MSRB3: variants seen among roughly 807,000 people sequenced by gnomAD.
The protein encoded by MSRB3 is methionine sulfoxide reductase B3, also known as methionine-R-sulfoxide reductase B3.
In MSRB3, 13 loss-of-function variants were observed where a neutral mutation model predicts 21.0. The observed-to-expected ratio is 0.62, with a 90% CI of 0.40 to 0.98. The LOEUF is 0.98. MSRB3 is among the 50% of genes least tolerant of loss of function. MSRB3 has a pLI of 0.00. For synonymous variants in MSRB3, 87 were observed against 88.6 expected (o/e 0.98, Z 0.10); for missense variants, 199 against 230.3 (o/e 0.86, Z 0.88).
intron 1 of MSRB3, among the ~76,000 whole-genome samples, chr12:65,300,824 G>A (rs1873284108): frequency 1.3e-5 from 2 of 152,184 alleles, no homozygotes; most frequent in Admixed American, 6.5e-5. Flanking sequence ...CTGCTGCAGA[G>A]GGAGAGAAAG....
chr12:65,461,112 C>T (rs940666840), intron 6 of MSRB3, among the ~76,000 whole-genome samples: 1 of 152,064 alleles, frequency 6.6e-6, no homozygotes, highest in Non-Finnish European at 1.5e-5. Flanking sequence ...TATATGAAAA[C>T]TTCATCTCTT....
intron 1 of MSRB3, among the ~76,000 whole-genome samples, chr12:65,299,727 T>C (rs1873196799): frequency 6.6e-6 from 1 of 152,166 alleles, no homozygotes; most frequent in African/African-American, 2.4e-5. Flanking sequence ...CCCTCTACTT[T>C]ATAAGAGGAG....
intron 4 of MSRB3, among the ~76,000 whole-genome samples, chr12:65,364,708 G>T (rs1041682523): frequency 2.0e-5 from 3 of 152,126 alleles, no homozygotes; most frequent in African/African-American, 7.2e-5. Context: ...GGGGATTTAA[G>T]AGTCGAGGTG....
At chr12:65,302,915 A>G (rs1254998019) in intron 1 of MSRB3, among the ~76,000 whole-genome samples, 1 of 152,186 alleles carries the variant, frequency 6.6e-6, no homozygotes, top group Admixed American at 6.6e-5. Flanking sequence ...AAAACTACAT[A>G]TATTCTACTT....
chr12:65,352,289 A>C (rs1185664587), intron 4 of MSRB3, among the ~76,000 whole-genome samples: 1 of 152,080 alleles, frequency 6.6e-6, no homozygotes, highest in Non-Finnish European at 1.5e-5. Flanking sequence ...ACTCTCAGTA[A>C]ATTAGGTATT....
intron 5 of MSRB3, among the ~76,000 whole-genome samples, chr12:65,379,822 T>C (rs376481584): frequency 8.5e-5 from 13 of 152,230 alleles, no homozygotes; most frequent in East Asian, 7.7e-4. Flanking sequence ...AAGACTGCTA[T>C]TAATATATTG....
chr12:65,425,233 A>T (rs1313546713), intron 5 of MSRB3, among the ~76,000 whole-genome samples: 1 of 145,688 alleles, frequency 6.9e-6, no homozygotes, highest in African/African-American at 2.5e-5. Context: ...TTTATTCTTA[A>T]TTTATATGTG....
chr12:65,318,558 A>G (rs1874459272), intron 2 of MSRB3, among the ~76,000 whole-genome samples: 2 of 152,176 alleles, frequency 1.3e-5, no homozygotes, highest in African/African-American at 4.8e-5. Flanking sequence ...GGAAAAAAAA[A>G]TTAAAAACAG....
intron 2 of MSRB3, among the ~76,000 whole-genome samples, chr12:65,323,496 T>C (rs1322010603): frequency 6.6e-6 from 1 of 151,974 alleles, no homozygotes; most frequent in Non-Finnish European, 1.5e-5. Flanking sequence ...ACACACTCAC[T>C]TGTGCCTTCA....
In MSRB3 at chr12:65,330,158, G is replaced by T. The variant is rs188944332; in HGVS notation, c.263+1555G>T. ...CTACCATGTGATTCACTAAAGTATG[G>T]GATCTAAAGAAAACTTACTGTTTTA... On this transcript the variant is annotated intron_variant, in intron 4 of 6. Transcript: ENST00000308259. 2.4e-4 allele frequency among the ~76,000 whole-genome samples: 37 copies of T among 152,148 alleles called. 1 individual carries two copies. The highest frequency in any genetic ancestry group is 8.9e-4 in the African/African-American group (37 of 41,502).
intron 5 of MSRB3, among the ~76,000 whole-genome samples, chr12:65,441,641 G>T (rs1037185616): frequency 1.3e-4 from 19 of 151,882 alleles, no homozygotes; most frequent in Admixed American, 1.2e-3. Flanking sequence ...GGAAAATAAA[G>T]ACAGGAGACA....
intron 4 of MSRB3, among the ~76,000 whole-genome samples, chr12:65,355,633 T>A (rs889394592): frequency 1.3e-5 from 2 of 151,882 alleles, no homozygotes; most frequent in African/African-American, 4.8e-5. Flanking sequence ...ACATTTTACT[T>A]CTATGTACTC....
chr12:65,340,291 C>A (rs1876053908), intron 4 of MSRB3, among the ~76,000 whole-genome samples: 1 of 151,968 alleles, frequency 6.6e-6, no homozygotes, highest in Non-Finnish European at 1.5e-5. Context: ...CAGCAAAAAA[C>A]AGGTTAGTAG....
chr12:65,327,032 T>C, intron 3 of MSRB3, 98 bp downstream of exon 3: 1 of 851,140 alleles, frequency 1.2e-6, no homozygotes, highest in Non-Finnish European at 2.0e-6. Flanking sequence ...AAGCATTCTA[T>C]ACTTACTTGC....
At chr12:65,309,962 C>T (rs919907372) in intron 2 of MSRB3, among the ~76,000 whole-genome samples, 3 of 152,036 alleles carry the variant, frequency 2.0e-5, no homozygotes, top group African/African-American at 7.2e-5. Context: ...GGGAGATGAA[C>T]AGGAATCACA....
At chr12:65,439,246 A>G (rs1408526240) in intron 5 of MSRB3, among the ~76,000 whole-genome samples, 1 of 151,772 alleles carries the variant, frequency 6.6e-6, no homozygotes, top group East Asian at 1.9e-4. Flanking sequence ...GCAATCATAA[A>G]CCTACAGGAA....
chr12:65,294,759 T>C (rs978855839), intron 1 of MSRB3, among the ~76,000 whole-genome samples: 6 of 151,892 alleles, frequency 4.0e-5, no homozygotes, highest in Non-Finnish European at 8.8e-5. Context: ...ACTATAGTTT[T>C]ATGTTCTTTT....
At chr12:65,279,861 T>G (rs1054644237) in intron 1 of MSRB3, among the ~76,000 whole-genome samples, 9 of 152,258 alleles carry the variant, frequency 5.9e-5, no homozygotes, top group African/African-American at 1.7e-4. Context: ...TTCTTGCTTC[T>G]TAATTTTATC....
chr12:65,351,009 AT>A (rs1251165967), intron 4 of MSRB3, among the ~76,000 whole-genome samples: 2 of 151,082 alleles, frequency 1.3e-5, no homozygotes, highest in East Asian at 1.9e-4. Context: ...CAGAATATAC[AT>A]TTTTTTCAGC....
Sources: gnomAD v4.1 joint callset for allele counts (sites outside exome capture counted in the v4.1 genomes callset) on GRCh38, gnomAD v4.1.1 for gene constraint, MANE v1.5 for transcripts, NCBI Gene and HGNC (gene_info 2026-07-23, HGNC 2026-07-21) for gene names.